IRS2: variants seen among roughly 807,000 people sequenced by gnomAD.
The protein encoded by IRS2 is insulin receptor substrate 2.
IRS2 carries 28 observed loss-of-function variants against 70.9 expected under a neutral mutation model. The observed-to-expected ratio is 0.39, with a 90% CI of 0.29 to 0.54. The LOEUF is 0.54. Ranked by LOEUF, IRS2 falls within the 20% of genes least tolerant of loss-of-function variation. The pLI, the probability that IRS2 is intolerant of heterozygous loss-of-function variation, is 0.59. For missense variants in IRS2, 2,081 were observed against 2,024.1 expected (o/e 1.03, Z -0.54); for synonymous variants, 1,217 against 981.9 (o/e 1.24, Z -4.48).
At chr13:109,776,927 T>A (rs1228096605) in intron 1 of IRS2, among the ~76,000 whole-genome samples, 1 of 152,236 alleles carries the variant, frequency 6.6e-6, no homozygotes, top group Non-Finnish European at 1.5e-5. Context: ...AAAATCATGA[T>A]CTGACAGTTA....
chr13:109,759,318 C>T (rs1022668756), intron 1 of IRS2, among the ~76,000 whole-genome samples: 2 of 152,212 alleles, frequency 1.3e-5, no homozygotes, highest in Non-Finnish European at 2.9e-5. Context: ...GACATCCCCC[C>T]ACCCCAGGAG....
In IRS2 at chr13:109,786,058, G is replaced by A; in HGVS notation, c.-5C>T. The A allele has an allele frequency of 8.3e-7, 1 of 1,203,088 alleles. No homozygotes were observed. The allele number at this position is 1,203,088 out of a possible 1,614,324, so 74.5% of individuals were successfully genotyped here. A position where few individuals can be genotyped will look rare whatever the true frequency, so the allele number is the denominator to read the frequency against. On this transcript the variant is annotated 5_prime_UTR_variant, in exon 1 of 2. Coordinates refer to ENST00000375856, the MANE Select transcript of IRS2 (RefSeq NM_003749.3). The surrounding 1 kb of genome is among the most constrained non-coding windows in gnomAD (Gnocchi z 4.4). The stretch of plus-strand genomic sequence containing the variant: ...GTGCCGCGGCGGGCTCGCCATCGCG[G>A]GCGCTTCAGGCCGCGCGGCCCGGGC...
Position 109,756,602 on chromosome 13 carries a change from C to T in IRS2, c.4013-294G>A, listed in dbSNP as rs574692224. On this transcript the variant is annotated intron_variant, in intron 1 of 1. Coordinates refer to ENST00000375856, the MANE Select transcript of IRS2 (RefSeq NM_003749.3). ...CATGTGTTTTTGTGAATCATTCTGTCGAACAAGATAGAAAAAGAAGGGCCA... is the reference window on the plus strand; with the variant it reads ...CATGTGTTTTTGTGAATCATTCTGTTGAACAAGATAGAAAAAGAAGGGCCA... Among the ~76,000 whole-genome samples the T allele has an allele frequency of 2.6e-5, 4 of 152,176 alleles. No individual in the cohort carries two copies. In the East Asian group the frequency reaches 5.8e-4, roughly 22 times the overall value.
In IRS2 at chr13:109,783,618, G is replaced by T. The variant is rs775792124; in HGVS notation, c.2436C>A (p.Ala812=). The change falls in exon 1 of 2, where the codon GCC becomes GCA. Residue 812 remains alanine, a synonymous_variant. Coordinates refer to ENST00000375856, the MANE Select transcript of IRS2 (RefSeq NM_003749.3). ...CYSSLPRSYK[A]PYTCGGDSDQ... ...CGCTGTCCCCGCCACAGGTGTAGGG[G>T]GCCTTGTAGGAGCGGGGCAAGGAGC... 29 of 1,549,528 alleles carry T rather than the reference G, an allele frequency of 1.9e-5. No individual in the cohort carries two copies. The East Asian group carries it at 5.8e-4, about 31-fold the overall frequency.
chr13:109,758,807 T>C (rs1331404505), intron 1 of IRS2, among the ~76,000 whole-genome samples: 2 of 120,638 alleles, frequency 1.7e-5, no homozygotes, highest in African/African-American at 3.3e-5. Flanking sequence ...GCCTCACTGA[T>C]AACTTGGGGG....
rs140969440 is a variant in IRS2 at position 109,782,071 on chromosome 13, T to C, written c.3983A>G (p.His1328Arg). 5.2e-4 allele frequency: 836 copies of C among 1,612,438 alleles called. No individual in the cohort carries two copies. Among genetic ancestry groups the C allele is most frequent in the South Asian group, 1.3e-3 (118 of 91,050 alleles). Residue 1328 changes from histidine to arginine, a missense_variant, in exon 1 of 2, where the codon CAC becomes CGC. Coordinates refer to ENST00000375856, the MANE Select transcript of IRS2 (RefSeq NM_003749.3). ...NTYASIDFLSHHLKEATIVKE is the reference protein window; with the variant it reads ...NTYASIDFLSRHLKEATIVKE Reference sequence around the variant, plus strand: ...CACGATGGTGGCCTCCTTCAAGTGGTGGGACAAGAAGTCAATGCTGGCGTA... The same window carrying C: ...CACGATGGTGGCCTCCTTCAAGTGGCGGGACAAGAAGTCAATGCTGGCGTA...
Position 109,782,543 on chromosome 13 carries a change from G to T in IRS2, c.3511C>A (p.Arg1171Ser), listed in dbSNP as rs865813719. ...TTTTCCACGGAGGCCGAGTTGTGGC[G>T]CTTGGGGTTGTGGGCGAAGGACGGG... ...VSPSFAHNPK[R>S]HNSASVENVS... The change falls in exon 1 of 2, where the codon CGC becomes AGC. Residue 1171 changes from arginine (R) to serine (S), a missense_variant. This residue lies in a region of IRS2 where 1,615 missense variants were observed against 1,459.5 expected (regional missense o/e 1.11). Coordinates refer to ENST00000375856, the MANE Select transcript of IRS2 (RefSeq NM_003749.3). 22 of 1,560,538 alleles carry T rather than the reference G, an allele frequency of 1.4e-5. No homozygotes were observed. The highest frequency in any genetic ancestry group is 1.9e-5 in the Non-Finnish European group (22 of 1,152,612).
At position 109,782,031 on chromosome 13, in the gene IRS2, G is replaced by T; in HGVS notation, c.4012+11C>A. 6.2e-7 allele frequency: 1 copy of T among 1,611,934 alleles called. No homozygotes were observed. Among genetic ancestry groups the T allele is most frequent in the East Asian group, 2.2e-5 (1 of 44,836 alleles). On this transcript the variant is annotated intron_variant, in intron 1 of 1. Coordinates refer to ENST00000375856, the MANE Select transcript of IRS2 (RefSeq NM_003749.3). ...CTTCCCGCCAGACGCCAAGGCAAAG[G>T]GCCTCCTCACCTTTCACGATGGTGG...
chr13:109,783,418 C>A lies in IRS2; in HGVS notation c.2636G>T (p.Gly879Val). ...CGCCCGGCCGCGCTGGCCCAAGAAG[C>A]CCTCCGGGCGGCCGCCGCTAGGCCG... Reference protein sequence around the residue: ...PVRPSGGRPEGFLGQRGRAVR... With the variant: ...PVRPSGGRPEVFLGQRGRAVR... Residue 879 changes from glycine (G) to valine (V), a missense_variant, in exon 1 of 2, where the codon GGC (glycine) becomes GTC (valine). By Grantham distance (109) the Gly-to-Val change is moderately radical. Coordinates refer to ENST00000375856, the MANE Select transcript of IRS2 (RefSeq NM_003749.3). 6.7e-7 allele frequency: 1 copy of A among 1,485,642 alleles called. No individual in the cohort carries two copies. The highest frequency in any genetic ancestry group is 8.9e-7 in the Non-Finnish European group (1 of 1,127,348). 92.0% of individuals were successfully genotyped at this position (1,485,642 alleles called of 1,614,324 possible).
In IRS2 at chr13:109,786,010, C is replaced by T. The variant is rs895227588; in HGVS notation, c.44G>A (p.Gly15Glu). 1.6e-5 allele frequency: 22 copies of T among 1,399,712 alleles called. No homozygotes were observed. Among genetic ancestry groups the T allele is most frequent in the African/African-American group, 3.0e-5 (2 of 66,724 alleles). The allele number at this position is 1,399,712 out of a possible 1,614,324, so 86.7% of individuals were successfully genotyped here. A position where few individuals can be genotyped will look rare whatever the true frequency, so the allele number is the denominator to read the frequency against. Reference protein sequence around the residue: ...PRHGPPGPASGDGPNLNNNNN... With the variant: ...PRHGPPGPASEDGPNLNNNNN... ...GTTGTTGTTGAGGTTGGGGCCGTCT[C>T]CGCTCGCCGGCCCGGGCGGCCCGTG... Residue 15 changes from glycine (G) to glutamate (E), a missense_variant, in exon 1 of 2, where the codon GGA becomes GAA. This residue lies in a region of IRS2 where 320 missense variants were observed against 352.9 expected (regional missense o/e 0.91). Transcript: ENST00000375856. This position sits in a 1 kb window ranked among gnomAD's most constrained non-coding sequence, Gnocchi z 4.4.
In IRS2 at chr13:109,782,651, C is replaced by T. The variant is rs900960137; in HGVS notation, c.3403G>A (p.Val1135Ile). Residue 1135 changes from valine to isoleucine, a missense_variant, in exon 1 of 2, where the codon GTC becomes ATC. Physicochemically the swap from Val to Ile is conservative, Grantham distance 29. Around this residue, in one of 4 missense-constraint regions of IRS2, gnomAD observed 1,615 missense variants for 1,459.5 expected, o/e 1.11. Transcript: ENST00000375856. ...QPPDPHRGAKVIRADPQGGRR... is the reference protein window; with the variant it reads ...QPPDPHRGAKIIRADPQGGRR... ...CCCCCCTGCGGGTCTGCGCGGATGA[C>T]CTTGGCGCCGCGGTGGGGGTCCGGG... 3 of 1,570,312 alleles carry T rather than the reference C, an allele frequency of 1.9e-6. No homozygotes were observed. Among genetic ancestry groups the T allele is most frequent in the Admixed American group, 3.8e-5 (2 of 52,618 alleles).
At position 109,786,002 on chromosome 13, in the gene IRS2, G is replaced by A. The variant is rs1877912292; in HGVS notation, c.52C>T (p.Pro18Ser). 7.0e-7 allele frequency: 1 copy of A among 1,422,152 alleles called. No individual in the cohort carries two copies. The highest frequency in any genetic ancestry group is 9.2e-7 in the Non-Finnish European group (1 of 1,089,048). 88.1% of individuals were successfully genotyped at this position (1,422,152 alleles called of 1,614,324 possible). ...TTGTTGTTGTTGTTGTTGAGGTTGG[G>A]GCCGTCTCCGCTCGCCGGCCCGGGC... ...GPPGPASGDG[P>S]NLNNNNNNNN... The change falls in exon 1 of 2, where the codon CCC becomes TCC. Residue 18 changes from proline (P) to serine (S), a missense_variant. Pro to Ser is a moderately conservative substitution (Grantham distance 74). Around this residue, in one of 4 missense-constraint regions of IRS2, gnomAD observed 320 missense variants for 352.9 expected, o/e 0.91. Coordinates refer to ENST00000375856, the MANE Select transcript of IRS2 (RefSeq NM_003749.3). The surrounding 1 kb of genome is among the most constrained non-coding windows in gnomAD (Gnocchi z 4.4).
Position 109,782,714 on chromosome 13 carries a change from C to T in IRS2, c.3340G>A (p.Val1114Met). 1.3e-6 allele frequency: 2 copies of T among 1,594,060 alleles called. No homozygotes were observed. Among genetic ancestry groups the T allele is most frequent in the Non-Finnish European group, 1.7e-6 (2 of 1,171,342 alleles). Reference protein sequence around the residue: ...GVKRLSLMEQVSGVEAFLQAS... With the variant: ...GVKRLSLMEQMSGVEAFLQAS... Reference sequence around the variant, plus strand: ...TGCAGGAAGGCCTCGACTCCCGACACCTGCTCCATGAGGCTCAGCCTCTTC... The same window carrying T: ...TGCAGGAAGGCCTCGACTCCCGACATCTGCTCCATGAGGCTCAGCCTCTTC... The change falls in exon 1 of 2, where the codon GTG (valine) becomes ATG (methionine). Residue 1114 changes from valine to methionine, a missense_variant. This residue lies in a region of IRS2 where 1,615 missense variants were observed against 1,459.5 expected (regional missense o/e 1.11). Coordinates refer to ENST00000375856, the MANE Select transcript of IRS2 (RefSeq NM_003749.3).
In IRS2 at chr13:109,762,252, T is replaced by C. The variant is rs534162720; in HGVS notation, c.4013-5944A>G. On this transcript the variant is annotated intron_variant, in intron 1 of 1. Transcript: ENST00000375856. ...GCCCCTGCAGCAGCCGCCAATGCCA[T>C]AGGAGAAACAGTATCGATGATTCTT... 3.9e-5 allele frequency among the ~76,000 whole-genome samples: 6 copies of C among 152,340 alleles called. No individual in the cohort carries two copies. In the South Asian group the frequency reaches 8.3e-4, roughly 21 times the overall value.
Position 109,784,117 on chromosome 13 carries a change from T to G in IRS2, c.1937A>C (p.Asn646Thr), listed in dbSNP as rs2138934795. The part of the protein sequence containing the change: ...EIGSHRSSSS[N>T]LGADDGYMPM... ...CATGTAGCCGTCGTCTGCCCCCAGG[T>G]TGCTGCTGGAGCTCCTGTGGGAGCC... The change falls in exon 1 of 2, where the codon AAC becomes ACC. Residue 646 changes from asparagine (N) to threonine (T), a missense_variant. Physicochemically the swap from Asn to Thr is moderately conservative, Grantham distance 65. Around this residue, in one of 4 missense-constraint regions of IRS2, gnomAD observed 1,615 missense variants for 1,459.5 expected, o/e 1.11. Transcript: ENST00000375856. The surrounding 1 kb of genome is among the most constrained non-coding windows in gnomAD (Gnocchi z 5.2). The G allele has an allele frequency of 1.3e-6, 2 of 1,594,848 alleles. No homozygotes were observed. The highest frequency in any genetic ancestry group is 1.7e-6 in the Non-Finnish European group (2 of 1,177,564).
rs1450582670 is a variant in IRS2, at chr13:109,782,980, G to C, written c.3074C>G (p.Pro1025Arg). The C allele has an allele frequency of 1.4e-6, 2 of 1,401,098 alleles. No individual in the cohort carries two copies. Among genetic ancestry groups the C allele is most frequent in the Non-Finnish European group, 1.8e-6 (2 of 1,082,654 alleles). 86.8% of individuals were successfully genotyped at this position (1,401,098 alleles called of 1,614,324 possible). A position where few individuals can be genotyped will look rare whatever the true frequency, so the allele number is the denominator to read the frequency against. The part of the protein sequence containing the change: ...PPLPPRPSAS[P>R]SSSLQPPPPP... ...TGGCGGCGGCTGCAGAGACGACGACGGGGACGCGGACGGACGCGGGGGCAA... is the reference window on the plus strand; with the variant it reads ...TGGCGGCGGCTGCAGAGACGACGACCGGGACGCGGACGGACGCGGGGGCAA... Residue 1025 changes from proline (P) to arginine (R), a missense_variant, in exon 1 of 2, where the codon CCG becomes CGG. Coordinates refer to ENST00000375856, the MANE Select transcript of IRS2 (RefSeq NM_003749.3).
intron 1 of IRS2, among the ~76,000 whole-genome samples, chr13:109,763,242 TA>T (rs1877264489): frequency 6.6e-6 from 1 of 152,258 alleles, no homozygotes; most frequent in Admixed American, 6.5e-5. Context: ...CTGTGTGTTA[TA>T]CTGGGAAACT....
chr13:109,770,263 C>T (rs1280204459), intron 1 of IRS2, among the ~76,000 whole-genome samples: 1 of 152,162 alleles, frequency 6.6e-6, no homozygotes. Context: ...TTAACGCAGC[C>T]TTTGGGGCTG....
Position 109,784,501 on chromosome 13 carries a change from C to A in IRS2, c.1553G>T (p.Ser518Ile), listed in dbSNP as rs2138936010. Residue 518 changes from serine to isoleucine, a missense_variant, in exon 1 of 2, where the codon AGC (serine) becomes ATC (isoleucine). By Grantham distance (142) the Ser-to-Ile change is moderately radical. This residue lies in a region of IRS2 where 1,615 missense variants were observed against 1,459.5 expected (regional missense o/e 1.11). Coordinates refer to ENST00000375856, the MANE Select transcript of IRS2 (RefSeq NM_003749.3). This position sits in a 1 kb window ranked among gnomAD's most constrained non-coding sequence, Gnocchi z 5.2. ...CTCCGCGATGGACTCGGGCGTGTTG[C>A]TTCGGTGGCTGCAGAAGGCGCGCAG... Reference protein sequence around the residue: ...GDLRAFCSHRSNTPESIAETP... With the variant: ...GDLRAFCSHRINTPESIAETP... 1 of 1,557,180 alleles carries A rather than the reference C, an allele frequency of 6.4e-7. No individual in the cohort carries two copies. Among genetic ancestry groups the A allele is most frequent in the Non-Finnish European group, 8.7e-7 (1 of 1,151,802 alleles).
Sources: gnomAD v4.1 joint callset for allele counts (sites outside exome capture counted in the v4.1 genomes callset) on GRCh38, gnomAD v4.1.1 for gene constraint, gnomAD v4.1.1 regional missense constraint, Gnocchi (gnomAD v3.1) non-coding constraint, MANE v1.5 for transcripts, NCBI Gene and HGNC (gene_info 2026-07-23, HGNC 2026-07-21) for gene names.